PRKCB: variants seen among roughly 807,000 people sequenced by gnomAD.
The protein encoded by PRKCB is protein kinase C beta.
PRKCB carries 13 observed loss-of-function variants against 81.5 expected under a neutral mutation model. The observed-to-expected ratio is 0.16, with a 90% CI of 0.10 to 0.25. The LOEUF is 0.25. PRKCB is among the 10% of genes least tolerant of loss of function. The probability of loss-of-function intolerance (pLI) is 1.00; values close to 1 mark genes in which losing one functional copy is unlikely to be tolerated. For synonymous variants in PRKCB, 335 were observed against 321.4 expected, an observed-to-expected ratio of 1.04 and a Z score of -0.45; for missense variants, 509 against 875.7, an observed-to-expected ratio of 0.58 and a Z score of 5.29.
intron 7 of PRKCB, among the ~76,000 whole-genome samples, chr16:24,106,311 A>G (rs923701806): frequency 6.6e-6 from 1 of 152,156 alleles, no homozygotes; most frequent in Non-Finnish European, 1.5e-5. Flanking sequence ...GAGGTGCCCA[A>G]TGTCTGCTAA....
intron 16 of PRKCB, among the ~76,000 whole-genome samples, chr16:24,195,913 T>C (rs1335036730): frequency 6.6e-6 from 1 of 152,210 alleles, no homozygotes; most frequent in Non-Finnish European, 1.5e-5. Flanking sequence ...CCTTGCCTGC[T>C]TCATCTGTGC....
chr16:24,160,410 C>T (rs1253829704), intron 10 of PRKCB, among the ~76,000 whole-genome samples: 1 of 152,088 alleles, frequency 6.6e-6, no homozygotes, highest in African/African-American at 2.4e-5. Flanking sequence ...GGCTCCTGCT[C>T]ATTTTCTAGC....
At chr16:24,146,878 A>G (rs1966998144) in intron 9 of PRKCB, among the ~76,000 whole-genome samples, 2 of 152,152 alleles carry the variant, frequency 1.3e-5, no homozygotes, top group African/African-American at 4.8e-5. Flanking sequence ...TTGGTATTAA[A>G]GTTTCTGGAA....
At chr16:24,193,702 A>G (rs1457567524) in intron 16 of PRKCB, among the ~76,000 whole-genome samples, 1 of 152,106 alleles carries the variant, frequency 6.6e-6, no homozygotes, top group Non-Finnish European at 1.5e-5. Context: ...TCACAGACTC[A>G]GATGCCTACA....
chr16:23,965,842 C>A (rs1214499734), intron 2 of PRKCB, among the ~76,000 whole-genome samples: 1 of 152,240 alleles, frequency 6.6e-6, no homozygotes, highest in East Asian at 1.9e-4. Flanking sequence ...CCAGCTTCAG[C>A]TGCTTTGTGG....
intron 10 of PRKCB, among the ~76,000 whole-genome samples, chr16:24,162,559 C>A (rs1015907053): frequency 7.5e-5 from 11 of 147,196 alleles, no homozygotes; most frequent in African/African-American, 2.8e-4. Context: ...AGCGATCCCC[C>A]TGCCTCGACT....
chr16:23,900,153 A>G (rs1446903131), intron 2 of PRKCB, among the ~76,000 whole-genome samples: 19 of 152,200 alleles, frequency 1.2e-4, no homozygotes, highest in Admixed American at 1.2e-3. Flanking sequence ...GCTACTGAAC[A>G]AAATATACAA....
At chr16:24,171,054 T>C (rs1298229834) in intron 10 of PRKCB, among the ~76,000 whole-genome samples, 1 of 152,248 alleles carries the variant, frequency 6.6e-6, no homozygotes, top group Non-Finnish European at 1.5e-5. Flanking sequence ...ATAGCCACTA[T>C]GTTATCTATT....
chr16:24,116,916 T>C (rs1015292969), intron 8 of PRKCB, among the ~76,000 whole-genome samples: 2 of 152,200 alleles, frequency 1.3e-5, no homozygotes, highest in African/African-American at 2.4e-5. Context: ...AGGAAAAGAT[T>C]TGCTACACAA....
At chr16:23,941,652 A>G (rs529368251) in intron 2 of PRKCB, among the ~76,000 whole-genome samples, 1 of 152,286 alleles carries the variant, frequency 6.6e-6, no homozygotes, top group East Asian at 1.9e-4. Context: ...GAAAAATATG[A>G]TCATAGATGC....
rs578209291 is a variant in PRKCB at position 24,035,804 on chromosome 16, G to T, written c.529+257G>T. On this transcript the variant is annotated intron_variant, in intron 5 of 16. Transcript: ENST00000643927. The stretch of plus-strand genomic sequence containing the variant: ...GCTGACTTGGGTTCAGAGAGGAGAC[G>T]TCTGAGTTCCTTGGACTTCTAACTT... Among the ~76,000 whole-genome samples the T allele has an allele frequency of 1.4e-3, 212 of 152,320 alleles. 1 individual carries two copies. The highest frequency in any genetic ancestry group is 4.9e-3 in the African/African-American group (205 of 41,574).
intron 5 of PRKCB, among the ~76,000 whole-genome samples, chr16:24,035,950 C>T (rs78048823): frequency 0.055 from 8,350 of 152,062 alleles, 274 homozygotes; most frequent in African/African-American, 0.075. Context: ...TTGCTTCTTC[C>T]GCAAACTTTT....
chr16:24,056,112 CT>C, intron 5 of PRKCB, among the ~76,000 whole-genome samples: 1 of 152,376 alleles, frequency 6.6e-6, no homozygotes, highest in East Asian at 1.9e-4. Flanking sequence ...GTGATTTCAA[CT>C]CAGGGATGGG....
At chr16:24,005,157 C>T (rs1780003874) in intron 3 of PRKCB, among the ~76,000 whole-genome samples, 1 of 150,954 alleles carries the variant, frequency 6.6e-6, no homozygotes, top group Non-Finnish European at 1.5e-5. Flanking sequence ...GTAAATTATA[C>T]TTTAATAAAA....
In PRKCB at chr16:24,134,967, A is replaced by C. The variant is rs893301357; in HGVS notation, c.1065+10986A>C. Among the ~76,000 whole-genome samples, 8 of 152,260 alleles carry C rather than the reference A, an allele frequency of 5.3e-5. No individual in the cohort carries two copies. The South Asian group carries it at 6.2e-4, about 12-fold the overall frequency. The stretch of plus-strand genomic sequence containing the variant: ...TGTGGGTTTCTCCTTCTTCCATGAA[A>C]AAAAAAGCAAAAAATGGTATCTCAT... On this transcript the variant is annotated intron_variant, in intron 9 of 16. Transcript: ENST00000643927.
At chr16:24,191,030 A>G in intron 15 of PRKCB, 60 bp from the exon 16 acceptor site, 1 of 1,550,300 alleles carries the variant, frequency 6.5e-7, no homozygotes, top group South Asian at 1.2e-5. Context: ...ATAATTTCTG[A>G]GTGTCTTACA....
At position 24,180,959 on chromosome 16, in the gene PRKCB, C is replaced by T. The variant is rs200785239; in HGVS notation, c.1533+31C>T. The T allele has an allele frequency of 3.1e-5, 50 of 1,609,206 alleles. 1 individual carries two copies. Among genetic ancestry groups the T allele is most frequent in the South Asian group, 6.6e-5 (6 of 90,302 alleles). ...AGCTGCTGGGCACACGTTCACATTGCGGTGATGTACCCTCTGCTCCCCAGA... is the reference window on the plus strand; with the variant it reads ...AGCTGCTGGGCACACGTTCACATTGTGGTGATGTACCCTCTGCTCCCCAGA... On this transcript the variant is annotated intron_variant, in intron 13 of 16. Transcript: ENST00000643927.
chr16:24,174,643 C>T (rs1200663783), intron 12 of PRKCB, 63 bp downstream of exon 12: 4 of 1,384,030 alleles, frequency 2.9e-6, no homozygotes, highest in Non-Finnish European at 4.0e-6. Flanking sequence ...TGCCCTGCCT[C>T]TTTCTTCAGC....
chr16:24,036,880 A>T (rs188938517), intron 5 of PRKCB, among the ~76,000 whole-genome samples: 1 of 151,870 alleles, frequency 6.6e-6, no homozygotes, highest in Admixed American at 6.6e-5. Context: ...TGGGAAATAC[A>T]CTCGTTCCAA....
Sources: allele counts gnomAD v4.1 joint callset (sites outside exome capture counted in the v4.1 genomes callset), GRCh38; gene constraint gnomAD v4.1.1; transcripts MANE v1.5; gene names NCBI Gene and HGNC (gene_info 2026-07-23, HGNC 2026-07-21).